Variants in NSUN6 observed in about 807,000 individuals in gnomAD.
The protein encoded by NSUN6 is tRNA (cytosine(72)-C(5))-methyltransferase NSUN6.
NSUN6 carries 64 observed loss-of-function variants against 58.0 expected under a neutral mutation model. The ratio of observed to expected loss-of-function variants is 1.10; its 90% CI spans 0.90 to 1.36. The LOEUF (loss-of-function observed/expected upper bound fraction) is 1.36, where lower values mean the gene tolerates loss of function less well. Among genes scored for constraint, NSUN6 ranks in the 40% most tolerant of loss-of-function variants. NSUN6 has a pLI of 0.00. For missense variants in NSUN6, 701 were observed against 550.1 expected (o/e 1.27, Z -2.74); for synonymous variants, 231 against 193.9 (o/e 1.19, Z -1.59).
At chr10:18,589,637 A>T (rs1184334301) in intron 7 of NSUN6, among the ~76,000 whole-genome samples, 2 of 152,230 alleles carry the variant, frequency 1.3e-5, no homozygotes, top group African/African-American at 4.8e-5. Flanking sequence ...TTCAACCCAG[A>T]ATTTCACATC....
At chr10:18,581,682 T>C (rs188651299) in intron 8 of NSUN6, among the ~76,000 whole-genome samples, 10 of 152,066 alleles carry the variant, frequency 6.6e-5, no homozygotes, top group African/African-American at 2.4e-4. Flanking sequence ...AAACATTACC[T>C]GGGTGCGGTG....
chr10:18,588,443 T>C (rs988830546), intron 7 of NSUN6, among the ~76,000 whole-genome samples: 9 of 152,166 alleles, frequency 5.9e-5, no homozygotes, highest in South Asian at 2.1e-4. Flanking sequence ...AAGGGACAGA[T>C]TGCCTCAAGT....
At chr10:18,652,142 C>CAGTT (rs1239166483), upstream of NSUN6, 1 of 985,076 alleles carries the variant, frequency 1.0e-6, no homozygotes. Flanking sequence ...ACAGTGTTTA[C>CAGTT]AGTTAGTTAT....
intron 8 of NSUN6, among the ~76,000 whole-genome samples, chr10:18,560,870 G>A (rs2130867973): frequency 6.6e-6 from 1 of 150,794 alleles, no homozygotes; most frequent in African/African-American, 2.4e-5. Context: ...TGAACAGAAT[G>A]GAATGGAGAA....
At chr10:18,610,583 C>G (rs1053203535) in intron 5 of NSUN6, among the ~76,000 whole-genome samples, 1 of 152,188 alleles carries the variant, frequency 6.6e-6, no homozygotes, top group South Asian at 2.1e-4. Flanking sequence ...TTGCCTGGTA[C>G]TGACACAATC....
chr10:18,596,336 A>C lies in NSUN6; in HGVS notation c.658-9T>G. ...AAGGCAGATGGCAAATTCTATAAGG[A>C]AAAAAATGTAATCGATTATCAATAA... On this transcript the variant is annotated splice_polypyrimidine_tract_variant and intron_variant, in intron 6 of 10. Coordinates refer to ENST00000377304, the MANE Select transcript of NSUN6 (RefSeq NM_182543.5). 1 of 1,525,970 alleles carries C rather than the reference A, an allele frequency of 6.6e-7. No homozygotes were observed. The highest frequency in any genetic ancestry group is 9.1e-7 in the Non-Finnish European group (1 of 1,101,554). The allele number at this position is 1,525,970 out of a possible 1,614,324, so 94.5% of individuals were successfully genotyped here. A position where few individuals can be genotyped will look rare whatever the true frequency, so the allele number is the denominator to read the frequency against.
At position 18,577,266 on chromosome 10, in the gene NSUN6, G is replaced by A. The variant is rs181677459; in HGVS notation, c.922+8683C>T. Among the ~76,000 whole-genome samples the A allele has an allele frequency of 3.8e-3, 574 of 152,218 alleles. 4 individuals are homozygous for A. The highest frequency in any genetic ancestry group is 0.012 in the African/African-American group (519 of 41,546). The stretch of plus-strand genomic sequence containing the variant: ...TTGTACCTTCATCCCAAACACCACC[G>A]CCCCTGATGGAAATATAACAAAGGC... On this transcript the variant is annotated intron_variant, in intron 8 of 10. Transcript: ENST00000377304.
intron 5 of NSUN6, 76 bp downstream of exon 5, chr10:18,614,384 T>C (rs2058338511): frequency 4.5e-6 from 4 of 891,264 alleles, no homozygotes; most frequent in Non-Finnish European, 6.4e-6. Context: ...TGCAACTAGA[T>C]ACATTTTACA....
rs1412621748 is a variant in NSUN6, at chr10:18,586,021, G to A, written c.850C>T (p.Leu284=). 1 of 1,612,154 alleles carries A rather than the reference G, an allele frequency of 6.2e-7. No homozygotes were observed. Among genetic ancestry groups the A allele is most frequent in the African/African-American group, 1.3e-5 (1 of 74,726 alleles). Residue 284 remains leucine (L), a synonymous_variant, in exon 8 of 11, where the codon CTG becomes TTG. Coordinates refer to ENST00000377304, the MANE Select transcript of NSUN6 (RefSeq NM_182543.5). ...KIKQNALLLG[L]NSIRAFCFDG... Reference sequence around the variant, plus strand: ...AAACAAAATGCCCTGATGGAATTCAGCCCTAACAATAAGGCATTCTGTTTG... The same window carrying A: ...AAACAAAATGCCCTGATGGAATTCAACCCTAACAATAAGGCATTCTGTTTG...
chr10:18,637,524 T>A (rs779668745), intron 3 of NSUN6, among the ~76,000 whole-genome samples: 5 of 152,214 alleles, frequency 3.3e-5, no homozygotes, highest in African/African-American at 4.8e-5. Flanking sequence ...TCAAAATCTC[T>A]CATATACTGC....
At chr10:18,640,844 A>C (rs1023865304) in intron 3 of NSUN6, among the ~76,000 whole-genome samples, 10 of 151,896 alleles carry the variant, frequency 6.6e-5, no homozygotes, top group African/African-American at 2.2e-4. Flanking sequence ...AATTGCAAAA[A>C]TACATTCTTA....
rs373065140 is a variant in NSUN6 at position 18,628,367 on chromosome 10, T to C, written c.312-12074A>G. On this transcript the variant is annotated intron_variant, in intron 3 of 10. Coordinates refer to ENST00000377304, the MANE Select transcript of NSUN6 (RefSeq NM_182543.5). ...GAGCACCTCTCCTCCTCCAAAGGAA[T>C]ACAGTTCCTCACCAGCAATGGAACA... is the stretch of plus-strand genomic sequence containing the variant. 1.7e-3 allele frequency among the ~76,000 whole-genome samples: 255 copies of C among 152,136 alleles called. 1 individual carries two copies. The highest frequency in any genetic ancestry group is 3.2e-3 in the African/African-American group (132 of 41,508).
intron 3 of NSUN6, among the ~76,000 whole-genome samples, chr10:18,617,968 A>G (rs1028661088): frequency 6.6e-6 from 1 of 152,232 alleles, no homozygotes; most frequent in Admixed American, 6.5e-5. Context: ...ACTACAAAAA[A>G]CAAATTTATG....
intron 5 of NSUN6, among the ~76,000 whole-genome samples, chr10:18,610,278 G>A (rs1320902337): frequency 2.0e-5 from 3 of 152,104 alleles, no homozygotes; most frequent in African/African-American, 7.2e-5. Flanking sequence ...AACCTGGGAG[G>A]CAGAGGTTGC....
intron 7 of NSUN6, among the ~76,000 whole-genome samples, chr10:18,586,473 T>C (rs1000654556): frequency 7.3e-5 from 11 of 150,314 alleles, no homozygotes; most frequent in African/African-American, 2.4e-4. Context: ...TTACACCTCT[T>C]AAAGGTGGCG....
intron 6 of NSUN6, among the ~76,000 whole-genome samples, chr10:18,605,271 G>C (rs568076161): frequency 6.6e-6 from 1 of 151,166 alleles, no homozygotes; most frequent in African/African-American, 2.4e-5. Context: ...GGCTCCTACA[G>C]GCCAAATCTG....
At chr10:18,546,840 C>G (rs967042593) in intron 10 of NSUN6, among the ~76,000 whole-genome samples, 2 of 151,180 alleles carry the variant, frequency 1.3e-5, no homozygotes, top group Admixed American at 6.6e-5. Flanking sequence ...CCTGGGCAAT[C>G]CAGCCTGAGC....
chr10:18,586,191 G>A (rs2057131162), intron 7 of NSUN6, 98 bp from the exon 8 acceptor site: 1 of 985,860 alleles, frequency 1.0e-6, no homozygotes. Flanking sequence ...AAAAATTATG[G>A]TCTTTTCCAC....
intron 6 of NSUN6, among the ~76,000 whole-genome samples, chr10:18,598,896 G>T (rs1564781566): frequency 6.6e-6 from 1 of 152,160 alleles, no homozygotes; most frequent in Non-Finnish European, 1.5e-5. Flanking sequence ...TCCTAAAAAT[G>T]ATAACATTAA....
Sources: allele counts gnomAD v4.1 joint callset (sites outside exome capture counted in the v4.1 genomes callset), GRCh38; gene constraint gnomAD v4.1.1; transcripts MANE v1.5; gene names NCBI Gene and HGNC (gene_info 2026-07-23, HGNC 2026-07-21).